The following GPHN variants were observed in gnomAD, a reference collection of about 807,000 sequenced individuals.
GPHN encodes gephyrin.
A neutral mutation model predicts 95.5 loss-of-function variants in GPHN; 17 were observed. The observed-to-expected ratio is 0.18, with a 90% CI of 0.12 to 0.27. The LOEUF (loss-of-function observed/expected upper bound fraction) is 0.27. GPHN is among the 10% of genes least tolerant of loss of function. GPHN has a pLI of 1.00. For missense variants in GPHN, 660 were observed against 978.1 expected, an observed-to-expected ratio of 0.67 and a Z score of 4.34; for synonymous variants, 320 against 322.5, an observed-to-expected ratio of 0.99 and a Z score of 0.08.
At chr14:67,072,233 A>C (rs1215949850) in intron 11 of GPHN, among the ~76,000 whole-genome samples, 6 of 152,174 alleles carry the variant, frequency 3.9e-5, no homozygotes, top group Non-Finnish European at 8.8e-5. Flanking sequence ...ATGGCATAAA[A>C]ATACCTTATT....
the GPHN span, among the ~76,000 whole-genome samples, chr14:67,623,747 G>A: frequency 3.3e-3 from 499 of 152,054 alleles, 2 homozygotes; most frequent in African/African-American, 0.012. Flanking sequence ...TCACCATGTT[G>A]GCCAGGCTGA....
the GPHN span, among the ~76,000 whole-genome samples, chr14:67,502,652 A>G: frequency 6.6e-6 from 1 of 151,892 alleles, no homozygotes; most frequent in South Asian, 2.1e-4. Context: ...GCATTCCTCC[A>G]TGTTGGTCAG....
chr14:66,581,782 T>G (rs1333605124), intron 1 of GPHN, among the ~76,000 whole-genome samples: 7 of 151,958 alleles, frequency 4.6e-5, no homozygotes, highest in Admixed American at 3.3e-4. Flanking sequence ...AAATAAAAAT[T>G]ATAAAAAGAG....
the GPHN span, among the ~76,000 whole-genome samples, chr14:67,348,599 G>A: frequency 6.6e-6 from 1 of 151,858 alleles, no homozygotes; most frequent in Admixed American, 6.6e-5. Flanking sequence ...TCGGCTCACT[G>A]GAACCTCCGC....
the GPHN span, chr14:67,359,580 C>T: frequency 7.9e-6 from 12 of 1,521,446 alleles, no homozygotes; most frequent in African/African-American, 1.4e-5. Flanking sequence ...AGGACCCTCA[C>T]TGTGGCCCAG....
At chr14:67,724,864 C>G in the GPHN span, among the ~76,000 whole-genome samples, 3 of 152,308 alleles carry the variant, frequency 2.0e-5, no homozygotes, top group Non-Finnish European at 4.4e-5. Flanking sequence ...TACTAAGTGA[C>G]ATTAAATATC....
At chr14:66,659,877 T>G (rs2065535956) in intron 1 of GPHN, among the ~76,000 whole-genome samples, 1 of 152,046 alleles carries the variant, frequency 6.6e-6, no homozygotes, top group African/African-American at 2.4e-5. Context: ...CTAATCTCTT[T>G]CAGTTGGTGT....
chr14:67,037,206 G>A (rs372547208), intron 10 of GPHN, among the ~76,000 whole-genome samples: 1 of 151,932 alleles, frequency 6.6e-6, no homozygotes, highest in Non-Finnish European at 1.5e-5. Flanking sequence ...TTCAATAAAC[G>A]TTGTTGGGAA....
chr14:67,643,852 TAAAAAAAAAAAA>T, the GPHN span, among the ~76,000 whole-genome samples: 23 of 81,218 alleles, frequency 2.8e-4, no homozygotes, highest in African/African-American at 5.0e-4. Context: ...TCCTTGGGAG[TAAAAAAAAAAAA>T]AAAAAAAAAA....
At chr14:67,385,211 A>AGGGACAAGATACATATG in the GPHN span, 2 of 152,222 alleles carry the variant, frequency 1.3e-5, no homozygotes, top group African/African-American at 4.8e-5. Context: ...AAAAGACAGC[A>AGGGACAAGATACATATG]GGGACAAGAT....
In GPHN at chr14:67,023,674, C is replaced by T; in HGVS notation, c.1005C>T (p.Ala335=). 1 of 1,611,760 alleles carries T rather than the reference C, an allele frequency of 6.2e-7. No individual in the cohort carries two copies. Among genetic ancestry groups the T allele is most frequent in the Non-Finnish European group, 8.5e-7 (1 of 1,178,180 alleles). ...RCSSKENILR[A]SHSAVDITKV... Reference sequence around the variant, plus strand: ...GCAGCAAGGAGAACATTCTCAGAGCCAGTAAGTATTTTACCATTTCTGGTG... The same window carrying T: ...GCAGCAAGGAGAACATTCTCAGAGCTAGTAAGTATTTTACCATTTCTGGTG... Residue 335 remains alanine, a splice_region_variant and synonymous_variant, in exon 10 of 23, where the codon GCC becomes GCT. Transcript: ENST00000478722.
the GPHN span, among the ~76,000 whole-genome samples, chr14:67,515,726 T>C: frequency 6.6e-6 from 1 of 152,194 alleles, no homozygotes; most frequent in South Asian, 2.1e-4. Context: ...AGCTTGTAGT[T>C]GTGGGGACCA....
At chr14:66,684,501 A>T (rs1467900713) in intron 2 of GPHN, among the ~76,000 whole-genome samples, 3 of 152,224 alleles carry the variant, frequency 2.0e-5, no homozygotes, top group African/African-American at 7.2e-5. Flanking sequence ...GCAGAACCTA[A>T]ACTGACTAAT....
chr14:67,102,113 C>T (rs1407832365), intron 13 of GPHN, among the ~76,000 whole-genome samples: 1 of 151,716 alleles, frequency 6.6e-6, no homozygotes, highest in East Asian at 2.0e-4. Flanking sequence ...ACCTCGTGAT[C>T]CGCCCGCCTC....
At chr14:67,496,395 T>G in the GPHN span, among the ~76,000 whole-genome samples, 2 of 92,530 alleles carry the variant, frequency 2.2e-5, no homozygotes, top group Non-Finnish European at 4.5e-5. Flanking sequence ...TCCGGCGTTT[T>G]TTTTTTTTTT....
At chr14:67,107,592 T>C (rs1456041954) in intron 13 of GPHN, among the ~76,000 whole-genome samples, 2 of 152,170 alleles carry the variant, frequency 1.3e-5, no homozygotes, top group Non-Finnish European at 2.9e-5. Context: ...CCAGTAGGGC[T>C]CAGCAGCAGC....
the GPHN span, among the ~76,000 whole-genome samples, chr14:67,339,047 G>A: frequency 7.0e-6 from 1 of 143,716 alleles, no homozygotes; most frequent in African/African-American, 2.6e-5. Context: ...AGGGTGGAGT[G>A]CAGTGGCGCA....
intron 18 of GPHN, among the ~76,000 whole-genome samples, chr14:67,154,443 G>A (rs2081463150): frequency 6.6e-6 from 1 of 152,068 alleles, no homozygotes; most frequent in South Asian, 2.1e-4. Flanking sequence ...CCAGTAAAAT[G>A]TAACAGGATA....
At chr14:66,614,805 G>T (rs1451419888) in intron 1 of GPHN, among the ~76,000 whole-genome samples, 2 of 151,852 alleles carry the variant, frequency 1.3e-5, no homozygotes, top group Non-Finnish European at 2.9e-5. Flanking sequence ...TGTTACATAG[G>T]TATACATGTG....
Sources: allele counts gnomAD v4.1 joint callset (sites outside exome capture counted in the v4.1 genomes callset), GRCh38; gene constraint gnomAD v4.1.1; transcripts MANE v1.5; gene names NCBI Gene and HGNC (gene_info 2026-07-23, HGNC 2026-07-21).